AMY2B: variants seen among roughly 807,000 people sequenced by gnomAD.
AMY2B encodes amylase alpha 2B, also known as alpha-amylase 2B.
A neutral mutation model predicts 59.3 loss-of-function variants in AMY2B; 63 were observed. That is an observed-to-expected ratio of 1.06 (90% CI 0.87 to 1.31). The LOEUF is 1.31. AMY2B is among the 50% of genes most tolerant of loss of function. The pLI, the probability that AMY2B is intolerant of heterozygous loss-of-function variation, is 0.00. For missense variants in AMY2B, 635 were observed against 626.7 expected, an observed-to-expected ratio of 1.01 and a Z score of -0.14; for synonymous variants, 180 against 198.1, an observed-to-expected ratio of 0.91 and a Z score of 0.77.
At chr1:103,566,629 T>C (rs928726991), upstream of AMY2B, among the ~76,000 whole-genome samples, 1 of 152,184 alleles carries the variant, frequency 6.6e-6, no homozygotes, top group African/African-American at 2.4e-5. Context: ...GGCTACCATA[T>C]TAGACATCAC....
At position 103,574,514 on chromosome 1, in the gene AMY2B, GA is replaced by G. The variant is rs1652267322; in HGVS notation, c.878+122del. ...AACTATCAAGGAGTCAATTGTTAAT[GA>G]TAAGTATTCTAGTGCCCTAAACTCT... On this transcript the variant is annotated intron_variant, in intron 5 of 9. Transcript: ENST00000684275. 3.8e-6 allele frequency: 6 copies of G among 1,565,620 alleles called. No homozygotes were observed. The South Asian group carries it at 6.9e-5, about 18-fold the overall frequency.
At chr1:103,575,682 C>G (rs1165618180) in intron 7 of AMY2B, 142 bp downstream of exon 7, 9 of 1,236,064 alleles carry the variant, frequency 7.3e-6, no homozygotes, top group Non-Finnish European at 1.0e-5. Context: ...TTTAGTAATG[C>G]AGGTTATATT....
intron 3 of AMY2B, 152 bp downstream of exon 3, chr1:103,573,412 T>G: frequency 7.1e-7 from 1 of 1,400,078 alleles, no homozygotes; most frequent in Non-Finnish European, 9.7e-7. Context: ...CTCAAATCCA[T>G]ATTTAAAAAC....
chr1:103,572,011 A>G, intron 1 of AMY2B, 99 bp from the exon 2 acceptor site: 1 of 1,583,028 alleles, frequency 6.3e-7, no homozygotes, highest in Non-Finnish European at 8.6e-7. Flanking sequence ...AGCTGCATAT[A>G]CCAAGATTCA....
In AMY2B at chr1:103,577,863, A is replaced by G; in HGVS notation, c.1346+18A>G. 9 of 1,599,070 alleles carry G rather than the reference A, an allele frequency of 5.6e-6. No homozygotes were observed. The highest frequency in any genetic ancestry group is 7.6e-6 in the Non-Finnish European group (9 of 1,179,506). ...GATGACTGGTAAGTACATATCAATT[A>G]AAAATAATATTTTGTACCTGTATGC... On this transcript the variant is annotated intron_variant, in intron 9 of 9. Coordinates refer to ENST00000684275, the MANE Select transcript of AMY2B (RefSeq NM_001387437.1).
chr1:103,557,095 G>A (rs570799960), intron 1 of AMY2B, among the ~76,000 whole-genome samples: 2 of 151,764 alleles, frequency 1.3e-5, no homozygotes, highest in East Asian at 1.9e-4. Context: ...GAAAACAAAC[G>A]GTATATAGAG....
At chr1:103,561,441 T>C (rs182708984) in intron 1 of AMY2B, among the ~76,000 whole-genome samples, 3 of 152,166 alleles carry the variant, frequency 2.0e-5, no homozygotes, top group Admixed American at 1.3e-4. Context: ...CTAATTTTTG[T>C]AGTTTTAGTA....
At position 103,579,350 on chromosome 1, in the gene AMY2B, C is replaced by T. The variant is rs778238642; in HGVS notation, c.1386C>T (p.Gly462=). ...SLTLQTGLPA[G]TYCDVISGDK... is the part of the protein sequence containing the mutation. ...CTTTGCAAACTGGTCTTCCTGCTGG[C>T]ACATACTGTGATGTCATTTCTGGAG... Residue 462 remains glycine (G), a synonymous_variant, in exon 10 of 10, where the codon GGC becomes GGT. Transcript: ENST00000684275. 2 of 1,611,756 alleles carry T rather than the reference C, an allele frequency of 1.2e-6. No homozygotes were observed. Among genetic ancestry groups the T allele is most frequent in the South Asian group, 1.1e-5 (1 of 90,976 alleles).
upstream of AMY2B, among the ~76,000 whole-genome samples, chr1:103,566,591 A>C (rs1327649794): frequency 6.6e-6 from 1 of 152,272 alleles, no homozygotes; most frequent in East Asian, 1.9e-4. Flanking sequence ...CATACATTTC[A>C]ACTGGTTAGT....
chr1:103,578,581 AAAAT>A (rs1354546075), intron 9 of AMY2B, among the ~76,000 whole-genome samples: 4 of 152,194 alleles, frequency 2.6e-5, no homozygotes, highest in South Asian at 2.1e-4. Flanking sequence ...TCACTGATGA[AAAAT>A]AAATAAATAC....
rs147068794 is a variant in AMY2B, at chr1:103,579,388, G to A, written c.1424G>A (p.Gly475Asp). Residue 475 changes from glycine to aspartate, a missense_variant, in exon 10 of 10, where the codon GGC becomes GAC. Transcript: ENST00000684275. ...GTCATTTCTGGAGATAAAATTAATG[G>A]CAATTGCACAGGCATTAAAATCTAC... is the stretch of plus-strand genomic sequence containing the variant. ...CDVISGDKIN[G>D]NCTGIKIYVS... 7.9e-5 allele frequency: 128 copies of A among 1,611,718 alleles called. No individual in the cohort carries two copies. In the African/African-American group the frequency reaches 1.2e-3, roughly 15 times the overall value.
intron 1 of AMY2B, among the ~76,000 whole-genome samples, chr1:103,560,913 C>G (rs1021407958): frequency 6.6e-6 from 1 of 152,036 alleles, no homozygotes; most frequent in African/African-American, 2.4e-5. Context: ...TGGAGTTAGG[C>G]TTCTTGGCTT....
At chr1:103,570,884 C>T (rs554683430), upstream of AMY2B, 7 of 384,132 alleles carry the variant, frequency 1.8e-5, no homozygotes, top group Non-Finnish European at 3.6e-5. Context: ...TAACTGTTCC[C>T]CTTGGTATCT....
In AMY2B at chr1:103,572,221, T is replaced by G; in HGVS notation, c.280T>G (p.Phe94Val). ...LCTRSGNEDE[F>V]RNMVTRCNNV... ...CACAAGATCTGGAAATGAAGATGAATTTAGAAACATGGTGACTAGATGTAA... is the reference window on the plus strand; with the variant it reads ...CACAAGATCTGGAAATGAAGATGAAGTTAGAAACATGGTGACTAGATGTAA... The change falls in exon 2 of 10, where the codon TTT becomes GTT. Residue 94 changes from phenylalanine to valine, a missense_variant. Transcript: ENST00000684275. The G allele has an allele frequency of 6.2e-7, 1 of 1,611,576 alleles. No individual in the cohort carries two copies. The highest frequency in any genetic ancestry group is 8.5e-7 in the Non-Finnish European group (1 of 1,179,608).
chr1:103,571,597 A>T lies in AMY2B; in HGVS notation c.-6A>T. 6.2e-7 allele frequency: 1 copy of T among 1,610,764 alleles called. No individual in the cohort carries two copies. On this transcript the variant is annotated 5_prime_UTR_variant, in exon 1 of 10. It adds an upstream start codon to the 5' untranslated region. Coordinates refer to ENST00000684275, the MANE Select transcript of AMY2B (RefSeq NM_001387437.1). Reference sequence around the variant, plus strand: ...CTGGAAAGGACACTGACAACTTCAAAGCAAAATGAAGTTCTTTCTGTTGCT... The same window carrying T: ...CTGGAAAGGACACTGACAACTTCAATGCAAAATGAAGTTCTTTCTGTTGCT...
chr1:103,566,807 G>C (rs973741607), upstream of AMY2B, among the ~76,000 whole-genome samples: 1 of 152,140 alleles, frequency 6.6e-6, no homozygotes, highest in African/African-American at 2.4e-5. Context: ...GCTAGGATTA[G>C]AGTCAAGTTT....
At chr1:103,555,736 G>T (rs1245350850) in intron 1 of AMY2B, among the ~76,000 whole-genome samples, 2 of 152,176 alleles carry the variant, frequency 1.3e-5, no homozygotes, top group Non-Finnish European at 2.9e-5. Flanking sequence ...TTAATATAGT[G>T]AGTATCGAAG....
At chr1:103,567,408 G>A (rs565587409), upstream of AMY2B, among the ~76,000 whole-genome samples, 9 of 152,264 alleles carry the variant, frequency 5.9e-5, no homozygotes, top group South Asian at 4.1e-4. Context: ...GATACCCTTC[G>A]TCAAAGCTGG....
At chr1:103,563,497 G>A (rs750956359) in intron 1 of AMY2B, among the ~76,000 whole-genome samples, 42 of 152,046 alleles carry the variant, frequency 2.8e-4, no homozygotes, top group Non-Finnish European at 2.8e-4. Context: ...TATTTCAGAA[G>A]ACATAAATAT....
Sources: gnomAD v4.1 joint callset for allele counts (sites outside exome capture counted in the v4.1 genomes callset) on GRCh38, gnomAD v4.1.1 for gene constraint, MANE v1.5 for transcripts, NCBI Gene and HGNC (gene_info 2026-07-23, HGNC 2026-07-21) for gene names.